ITSN2: variants seen among roughly 807,000 people sequenced by gnomAD.
The protein encoded by ITSN2 is intersectin-2.
A neutral mutation model predicts 243.7 loss-of-function variants in ITSN2; 156 were observed. The observed-to-expected ratio is 0.64, with a 90% CI of 0.56 to 0.73. ITSN2 has a LOEUF of 0.73. Among genes scored for constraint, ITSN2 ranks in the 30% least tolerant of loss-of-function variants. ITSN2 has a pLI of 0.00. For missense variants in ITSN2, 1,801 were observed against 1,996.1 expected (o/e 0.90, Z 1.86); for synonymous variants, 703 against 699.9 (o/e 1.00, Z -0.07).
chr2:24,210,398 C>T (rs1038105277), intron 34 of ITSN2: 11 of 285,356 alleles, frequency 3.9e-5, no homozygotes, highest in Admixed American at 1.4e-4. Flanking sequence ...GATCACTTGA[C>T]GCCAGGAGTT....
rs531516583 is a variant in ITSN2 at position 24,310,328 on chromosome 2, A to G, written c.609T>C (p.Ala203=). 3 of 1,613,974 alleles carry G rather than the reference A, an allele frequency of 1.9e-6. No individual in the cohort carries two copies. The highest frequency in any genetic ancestry group is 2.7e-5 in the African/African-American group (2 of 75,028). The part of the protein sequence containing the change: ...YSLMMGGFGG[A]SIQKAQSLID... ...TCAGAGACTGCGCTTTCTGTATACT[A>G]GCACCTCCAAATCCTCCCATCATCA... The change falls in exon 7 of 40, where the codon GCT becomes GCC. Residue 203 remains alanine, a synonymous_variant. Transcript: ENST00000355123.
intron 1 of ITSN2, among the ~76,000 whole-genome samples, chr2:24,345,273 A>T (rs1488796529): frequency 2.0e-5 from 3 of 152,024 alleles, no homozygotes; most frequent in South Asian, 2.1e-4. Flanking sequence ...CTATGTTTTT[A>T]TTTTTACTGT....
chr2:24,212,040 G>A (rs893550610), intron 33 of ITSN2, among the ~76,000 whole-genome samples: 5 of 152,180 alleles, frequency 3.3e-5, no homozygotes, highest in Non-Finnish European at 5.9e-5. Context: ...TGTAATCAAT[G>A]GTTAATCGTG....
At chr2:24,289,548 G>A (rs1679968578) in intron 15 of ITSN2, among the ~76,000 whole-genome samples, 1 of 152,076 alleles carries the variant, frequency 6.6e-6, no homozygotes, top group Non-Finnish European at 1.5e-5. Flanking sequence ...CTGCAGACAG[G>A]GATAATTTTA....
At chr2:24,232,424 A>G (rs1464405239) in intron 29 of ITSN2, among the ~76,000 whole-genome samples, 1 of 152,214 alleles carries the variant, frequency 6.6e-6, no homozygotes, top group African/African-American at 2.4e-5. Context: ...TCCTAATGAT[A>G]GACAAAAGCG....
At chr2:24,330,748 A>T in intron 1 of ITSN2, 1 of 564,710 alleles carries the variant, frequency 1.8e-6, no homozygotes, top group South Asian at 1.7e-5. Context: ...CAAGTTTTAT[A>T]AAAAATGCAG....
In ITSN2 at chr2:24,205,273, A is replaced by C. The variant is rs772552778; in HGVS notation, c.4703T>G (p.Ile1568Ser). 1 of 1,613,248 alleles carries C rather than the reference A, an allele frequency of 6.2e-7. No individual in the cohort carries two copies. Reference protein sequence around the residue: ...YQARSQKTSGIGRLMVHVIEA... With the variant: ...YQARSQKTSGSGRLMVHVIEA... ...AATGACATGCACCATCAGGCGCCCA[A>C]TGCCTGAAGTCTTTTGGGAGCGGGC... Residue 1568 changes from isoleucine to serine, a missense_variant, in exon 38 of 40, where the codon ATT becomes AGT. Transcript: ENST00000355123.
chr2:24,214,025 G>C (rs988593343), intron 32 of ITSN2, among the ~76,000 whole-genome samples: 4 of 152,202 alleles, frequency 2.6e-5, no homozygotes, highest in Non-Finnish European at 5.9e-5. Flanking sequence ...TAGATGAGGG[G>C]ACTGAAGGCA....
intron 1 of ITSN2, among the ~76,000 whole-genome samples, chr2:24,338,856 T>TG (rs1686737199): frequency 6.6e-6 from 1 of 152,094 alleles, no homozygotes. Context: ...TAAAGGGATT[T>TG]GGGGAATGCC....
chr2:24,223,702 A>G (rs1373806246), intron 29 of ITSN2, among the ~76,000 whole-genome samples: 1 of 144,668 alleles, frequency 6.9e-6, no homozygotes, highest in Non-Finnish European at 1.5e-5. Context: ...AAAAAAAAGG[A>G]AAAGAAAGGA....
chr2:24,247,042 G>A, intron 27 of ITSN2, 149 bp from the exon 28 acceptor site: 1 of 598,802 alleles, frequency 1.7e-6, no homozygotes, highest in Non-Finnish European at 2.9e-6. Context: ...TCAGCTCCTG[G>A]AAAGTAATCT....
Position 24,350,028 on chromosome 2 carries a change from G to T in ITSN2, c.-34+10276C>A, listed in dbSNP as rs35054151. 7.5e-3 allele frequency among the ~76,000 whole-genome samples: 1,141 copies of T among 152,240 alleles called. 11 individuals carry two copies. The highest frequency in any genetic ancestry group is 8.7e-3 in the Non-Finnish European group (595 of 68,002). On this transcript the variant is annotated intron_variant, in intron 1 of 39. Coordinates refer to ENST00000355123, the MANE Select transcript of ITSN2 (RefSeq NM_006277.3). The stretch of plus-strand genomic sequence containing the variant: ...GATTTCTTAGAAGAAAACTAAACTA[G>T]AGCCCTCGGTAAGTTCTAGAAACCA...
At chr2:24,271,143 A>G (rs1199134430) in intron 19 of ITSN2, among the ~76,000 whole-genome samples, 1 of 152,130 alleles carries the variant, frequency 6.6e-6, no homozygotes, top group African/African-American at 2.4e-5. Flanking sequence ...AGTAAAGGAC[A>G]AAAAGGGGGG....
intron 8 of ITSN2, among the ~76,000 whole-genome samples, chr2:24,307,380 T>C (rs900581759): frequency 6.6e-6 from 1 of 151,682 alleles, no homozygotes; most frequent in Middle Eastern, 3.4e-3. Context: ...CAAAAAAGCA[T>C]ACCTTGTTTC....
At chr2:24,269,471 TTAATGATTCAGCA>T (rs1677086857) in intron 20 of ITSN2, among the ~76,000 whole-genome samples, 1 of 152,192 alleles carries the variant, frequency 6.6e-6, no homozygotes, top group African/African-American at 2.4e-5. Flanking sequence ...ATACTTCATG[TTAATGATTCAGCA>T]GAGTACACAA....
At chr2:24,267,494 A>G (rs1347751988) in intron 20 of ITSN2, among the ~76,000 whole-genome samples, 1 of 151,946 alleles carries the variant, frequency 6.6e-6, no homozygotes, top group Non-Finnish European at 1.5e-5. Flanking sequence ...CACATTTACC[A>G]CATTTACTTA....
intron 37 of ITSN2, among the ~76,000 whole-genome samples, chr2:24,206,500 TTGGGGCCTGGCATTCATGTGGAGGC>T (rs1275511086): frequency 1.3e-5 from 2 of 150,452 alleles, no homozygotes; most frequent in Non-Finnish European, 3.0e-5. Flanking sequence ...AGCAGGGAGG[TTGGGGCCTGGCATTCATGTGGAGGC>T]TGGAGAAGAA....
In ITSN2 at chr2:24,286,258, GTTTCTT is replaced by G. The variant is rs1377490209; in HGVS notation, c.1811_1816del (p.Lys604_Glu605del). The G allele has an allele frequency of 6.2e-7, 1 of 1,602,904 alleles. No homozygotes were observed. The highest frequency in any genetic ancestry group is 8.5e-7 in the Non-Finnish European group (1 of 1,170,986). On this transcript the variant is annotated inframe_deletion, in exon 16 of 40. Coordinates refer to ENST00000355123, the MANE Select transcript of ITSN2 (RefSeq NM_006277.3). ...ATCCATTTCTGACAGCTTAGATGCA[GTTTCTT>G]TTTCAAGAGCATCTAACTGTTCTTT...
intron 29 of ITSN2, among the ~76,000 whole-genome samples, chr2:24,233,239 A>G (rs1446264090): frequency 2.6e-5 from 4 of 152,146 alleles, no homozygotes. Context: ...CATATAACTC[A>G]TGTTTTCCAC....
Sources: gnomAD v4.1 joint callset for allele counts (sites outside exome capture counted in the v4.1 genomes callset) on GRCh38, gnomAD v4.1.1 for gene constraint, MANE v1.5 for transcripts, NCBI Gene and HGNC (gene_info 2026-07-23, HGNC 2026-07-21) for gene names.